GRID2: variants seen among roughly 807,000 people sequenced by gnomAD.
GRID2 encodes glutamate receptor ionotropic, delta-2.
In GRID2, 33 loss-of-function variants were observed where a neutral mutation model predicts 114.8. The observed-to-expected ratio is 0.29, with a 90% confidence interval of 0.22 to 0.38. The LOEUF (loss-of-function observed/expected upper bound fraction) is 0.38. Ranked by LOEUF, GRID2 falls within the 10% of genes least tolerant of loss-of-function variation. The probability of loss-of-function intolerance (pLI) is 1.00; values close to 1 mark genes in which losing one functional copy is unlikely to be tolerated. For synonymous variants in GRID2, 505 were observed against 449.9 expected (o/e 1.12, Z -1.55); for missense variants, 1,184 against 1,257.7 (o/e 0.94, Z 0.89).
At chr4:93,670,593 C>A (rs137930218) in intron 14 of GRID2, among the ~76,000 whole-genome samples, 36 of 152,312 alleles carry the variant, frequency 2.4e-4, no homozygotes, top group African/African-American at 8.2e-4. Flanking sequence ...ATGGGCTACA[C>A]TGATACTTTC....
At chr4:93,682,606 A>T (rs1725674125) in intron 14 of GRID2, among the ~76,000 whole-genome samples, 1 of 152,146 alleles carries the variant, frequency 6.6e-6, no homozygotes, top group South Asian at 2.1e-4. Context: ...CAGCCATAAA[A>T]AATGATGAGT....
intron 2 of GRID2, among the ~76,000 whole-genome samples, chr4:92,619,436 T>C (rs1730162703): frequency 6.6e-6 from 1 of 151,652 alleles, no homozygotes; most frequent in South Asian, 2.1e-4. Context: ...CCTCAGATCT[T>C]GTAAAATTTC....
chr4:93,242,362 G>C (rs945376326), intron 8 of GRID2, among the ~76,000 whole-genome samples: 1 of 151,652 alleles, frequency 6.6e-6, no homozygotes, highest in Non-Finnish European at 1.5e-5. Context: ...AATCACTGTA[G>C]TACTAATCTA....
At chr4:92,917,553 G>A (rs942213602) in intron 2 of GRID2, among the ~76,000 whole-genome samples, 1 of 152,088 alleles carries the variant, frequency 6.6e-6, no homozygotes, top group Non-Finnish European at 1.5e-5. Flanking sequence ...TGTAAGGAAG[G>A]GATCCATTTT....
At chr4:92,989,292 A>AG (rs1275135526) in intron 2 of GRID2, among the ~76,000 whole-genome samples, 29 of 146,542 alleles carry the variant, frequency 2.0e-4, no homozygotes, top group African/African-American at 6.4e-4. Context: ...AAAAAAAAAA[A>AG]AAAAAAAAAA....
At chr4:92,676,722 CA>C (rs1490183321) in intron 2 of GRID2, among the ~76,000 whole-genome samples, 1 of 151,770 alleles carries the variant, frequency 6.6e-6, no homozygotes, top group Non-Finnish European at 1.5e-5. Flanking sequence ...AATAGTAAAG[CA>C]ATTCCTCAAA....
Position 92,304,574 on chromosome 4 carries a change from C to G in GRID2, c.-83C>G. The G allele has an allele frequency of 1.1e-6, 1 of 875,196 alleles. No individual in the cohort carries two copies. The highest frequency in any genetic ancestry group is 1.4e-5 in the South Asian group (1 of 72,108). 54.2% of individuals were successfully genotyped at this position (875,196 alleles called of 1,614,324 possible). A position where few individuals can be genotyped will look rare whatever the true frequency, so the allele number is the denominator to read the frequency against. On this transcript the variant is annotated 5_prime_UTR_variant, in exon 1 of 16. Coordinates refer to ENST00000282020, the MANE Select transcript of GRID2 (RefSeq NM_001510.4). Reference sequence around the variant, plus strand: ...AAGAAAAAGCTGCGCTAAACTCCACCGTGACCTCAAACTCTTTGGACTGTT... The same window carrying G: ...AAGAAAAAGCTGCGCTAAACTCCACGGTGACCTCAAACTCTTTGGACTGTT...
chr4:92,366,307 G>A (rs541767240), intron 1 of GRID2, among the ~76,000 whole-genome samples: 2 of 152,038 alleles, frequency 1.3e-5, no homozygotes, highest in South Asian at 2.1e-4. Flanking sequence ...AGATAGAATG[G>A]TGTAAGATCT....
At chr4:92,934,097 G>T (rs1330626614) in intron 2 of GRID2, among the ~76,000 whole-genome samples, 1 of 151,732 alleles carries the variant, frequency 6.6e-6, no homozygotes, top group Non-Finnish European at 1.5e-5. Flanking sequence ...ATTGAGGCCT[G>T]AAATGCTTTT....
intron 1 of GRID2, among the ~76,000 whole-genome samples, chr4:93,803,732 A>T (rs551221915): frequency 6.6e-6 from 1 of 152,190 alleles, no homozygotes; most frequent in East Asian, 1.9e-4. Context: ...AAAAAAAAAA[A>T]CAAAAAACAC....
intron 5 of GRID2, among the ~76,000 whole-genome samples, chr4:93,215,614 A>C (rs1336204138): frequency 1.3e-5 from 2 of 152,090 alleles, no homozygotes; most frequent in African/African-American, 4.8e-5. Context: ...CCAGGCTATT[A>C]CACTAGAGCT....
chr4:93,079,678 T>A (rs1000864315), intron 2 of GRID2, among the ~76,000 whole-genome samples: 3 of 152,202 alleles, frequency 2.0e-5, no homozygotes, highest in Admixed American at 2.0e-4. Context: ...ATAGCTTTTC[T>A]GCACACGGTT....
chr4:92,509,086 A>ACAAG (rs1724115291), intron 1 of GRID2, among the ~76,000 whole-genome samples: 1 of 151,936 alleles, frequency 6.6e-6, no homozygotes, highest in Non-Finnish European at 1.5e-5. Context: ...AAACAAACAA[A>ACAAG]CAAACCAAAA....
intron 9 of GRID2, among the ~76,000 whole-genome samples, chr4:93,401,361 A>T (rs963452332): frequency 6.6e-6 from 1 of 152,084 alleles, no homozygotes; most frequent in Non-Finnish European, 1.5e-5. Flanking sequence ...TCATATTTTA[A>T]TCTCTCTAAA....
intron 13 of GRID2, among the ~76,000 whole-genome samples, chr4:93,590,339 A>G (rs574806432): frequency 0.15 from 21,439 of 139,810 alleles, 2,089 homozygotes; most frequent in Middle Eastern, 0.28. Flanking sequence ...TGTTTTTGTC[A>G]GGTTTGTCAA....
At chr4:93,506,357 C>T (rs1055613791) in intron 12 of GRID2, among the ~76,000 whole-genome samples, 4 of 152,126 alleles carry the variant, frequency 2.6e-5, no homozygotes, top group African/African-American at 7.2e-5. Context: ...ACAGGAGGAC[C>T]GTGTTCTGCC....
chr4:93,578,020 CTGG>C (rs1460979625), intron 13 of GRID2, among the ~76,000 whole-genome samples: 2 of 152,160 alleles, frequency 1.3e-5, no homozygotes, highest in Admixed American at 6.5e-5. Flanking sequence ...TAATTGCTCT[CTGG>C]ATGTGTGTGC....
At chr4:92,876,828 T>C (rs1745672048) in intron 2 of GRID2, among the ~76,000 whole-genome samples, 1 of 152,190 alleles carries the variant, frequency 6.6e-6, no homozygotes, top group African/African-American at 2.4e-5. Flanking sequence ...CTAATTCCAA[T>C]GTTGGTGGAC....
rs376237684 is a variant in GRID2, at chr4:93,248,469, CATGAT to C, written c.1245+9986_1245+9990del. On this transcript the variant is annotated intron_variant, in intron 8 of 15. Coordinates refer to ENST00000282020, the MANE Select transcript of GRID2 (RefSeq NM_001510.4). ...GACAAATTTATTACATGACAACACT[CATGAT>C]ATGATAGGTTCTGTTGAACCAAAAT... Among the ~76,000 whole-genome samples, 179 of 152,256 alleles carry C rather than the reference CATGAT, an allele frequency of 1.2e-3. 3 individuals carry two copies. Among genetic ancestry groups the C allele is most frequent in the African/African-American group, 4.3e-3 (177 of 41,562 alleles).
Sources: gnomAD v4.1 joint callset for allele counts (sites outside exome capture counted in the v4.1 genomes callset) on GRCh38, gnomAD v4.1.1 for gene constraint, MANE v1.5 for transcripts, NCBI Gene and HGNC (gene_info 2026-07-23, HGNC 2026-07-21) for gene names.